Variants in CFAP299 observed in about 807,000 individuals in gnomAD.
CFAP299 encodes the protein cilia- and flagella-associated protein 299.
A neutral mutation model predicts 27.0 loss-of-function variants in CFAP299; 21 were observed. The ratio of observed to expected loss-of-function variants is 0.78; its 90% CI spans 0.55 to 1.12. CFAP299 has a LOEUF of 1.12. Among genes scored for constraint, CFAP299 ranks in the 50% most tolerant of loss-of-function variants. The pLI, the probability that CFAP299 is intolerant of heterozygous loss-of-function variation, is 0.00. For synonymous variants in CFAP299, 104 were observed against 98.1 expected (o/e 1.06, Z -0.36); for missense variants, 310 against 276.6 (o/e 1.12, Z -0.86).
Position 80,417,517 on chromosome 4 carries a change from G to A in CFAP299, c.242+54633G>A, listed in dbSNP as rs115011192. ...AAATAGGAGTCCTGAGCGTGGTATT[G>A]GTAGCTCTTTCCTTGAAATCGTTAC... On this transcript the variant is annotated intron_variant, in intron 2 of 5. Coordinates refer to ENST00000358105, the MANE Select transcript of CFAP299 (RefSeq NM_152770.3). Among the ~76,000 whole-genome samples the A allele has an allele frequency of 9.2e-3, 1,403 of 152,102 alleles. 26 individuals carry two copies. Among genetic ancestry groups the A allele is most frequent in the African/African-American group, 0.032 (1,327 of 41,468 alleles).
chr4:80,716,666 T>C (rs1216473541), intron 3 of CFAP299, among the ~76,000 whole-genome samples: 1 of 152,154 alleles, frequency 6.6e-6, no homozygotes, highest in Admixed American at 6.6e-5. Flanking sequence ...TCCTGCCCCA[T>C]TAAAGTTTGT....
At chr4:80,859,577 C>T (rs1732174689) in intron 3 of CFAP299, among the ~76,000 whole-genome samples, 1 of 151,930 alleles carries the variant, frequency 6.6e-6, no homozygotes, top group Admixed American at 6.6e-5. Flanking sequence ...TTTAGCACTT[C>T]CTTCAGGAAC....
intron 3 of CFAP299, among the ~76,000 whole-genome samples, chr4:80,807,123 G>T (rs1380240583): frequency 1.3e-5 from 2 of 151,850 alleles, no homozygotes; most frequent in African/African-American, 4.8e-5. Context: ...GAAATCTGCA[G>T]GTTAAAGAAA....
chr4:80,803,707 T>C (rs775501393), intron 3 of CFAP299, among the ~76,000 whole-genome samples: 1 of 149,440 alleles, frequency 6.7e-6, no homozygotes, highest in Admixed American at 6.7e-5. Context: ...CAGAATATAC[T>C]ACATTATATT....
chr4:80,325,474 A>G, the CFAP299 span, among the ~76,000 whole-genome samples: 1 of 152,256 alleles, frequency 6.6e-6, no homozygotes, highest in Non-Finnish European at 1.5e-5. Context: ...TCCTAAAAAT[A>G]ATACCCATCT....
intron 4 of CFAP299, among the ~76,000 whole-genome samples, chr4:80,900,379 G>T (rs922536099): frequency 2.6e-5 from 4 of 151,904 alleles, no homozygotes; most frequent in African/African-American, 9.7e-5. Flanking sequence ...TATTAACATA[G>T]CAATATTCTT....
intron 2 of CFAP299, among the ~76,000 whole-genome samples, chr4:80,380,096 A>G (rs1243937897): frequency 3.9e-5 from 6 of 152,158 alleles, no homozygotes; most frequent in African/African-American, 9.6e-5. Context: ...CTAGATACAT[A>G]TGCTTCATGA....
intron 3 of CFAP299, among the ~76,000 whole-genome samples, chr4:80,686,384 T>G (rs1212149214): frequency 1.3e-5 from 2 of 152,208 alleles, no homozygotes; most frequent in Non-Finnish European, 2.9e-5. Flanking sequence ...TGGATTATGC[T>G]TCTCTAGATT....
chr4:80,386,538 G>T, intron 2 of CFAP299: 2 of 1,591,094 alleles, frequency 1.3e-6, no homozygotes, highest in East Asian at 2.2e-5. Flanking sequence ...CGCCGGGTTT[G>T]CAGGTCCTTT....
intron 2 of CFAP299, among the ~76,000 whole-genome samples, chr4:80,480,710 C>G (rs1053932064): frequency 6.6e-6 from 1 of 151,730 alleles, no homozygotes; most frequent in African/African-American, 2.4e-5. Flanking sequence ...GATTATATAC[C>G]CAGGATACTA....
rs181252544 is a variant in CFAP299 at position 80,871,351 on chromosome 4, G to A, written c.476+1216G>A. On this transcript the variant is annotated intron_variant, in intron 4 of 5. Transcript: ENST00000358105. ...ACCTACTAACATTCCAAAGTCAATC[G>A]ATCCACACATTTTTTTCACTGCACT... 5.5e-3 allele frequency: 5,449 copies of A among 985,294 alleles called. 15 individuals are homozygous for A. The highest frequency in any genetic ancestry group is 0.016 in the Middle Eastern group (31 of 1,914). 61.0% of individuals were successfully genotyped at this position (985,294 alleles called of 1,614,324 possible).
intron 4 of CFAP299, among the ~76,000 whole-genome samples, chr4:80,928,774 G>A (rs918626039): frequency 6.6e-6 from 1 of 151,904 alleles, no homozygotes; most frequent in Non-Finnish European, 1.5e-5. Context: ...TCCCTAAAAG[G>A]ACAGTTACCA....
chr4:80,591,660 C>A (rs1225517833), intron 3 of CFAP299, among the ~76,000 whole-genome samples: 1 of 152,138 alleles, frequency 6.6e-6, no homozygotes, highest in African/African-American at 2.4e-5. Flanking sequence ...TGGAGGGGCA[C>A]AGAGCCAAGG....
intron 2 of CFAP299, among the ~76,000 whole-genome samples, chr4:80,550,413 A>G (rs1734441952): frequency 6.6e-6 from 1 of 152,058 alleles, no homozygotes; most frequent in Non-Finnish European, 1.5e-5. Flanking sequence ...TCTTCCCTAT[A>G]TTTAAATACA....
intron 2 of CFAP299, among the ~76,000 whole-genome samples, chr4:80,501,527 A>G (rs999609971): frequency 1.4e-5 from 2 of 147,828 alleles, no homozygotes; most frequent in Non-Finnish European, 3.0e-5. Flanking sequence ...TAAATATATA[A>G]ATTTTCATAT....
At chr4:80,526,095 T>C (rs1443469023) in intron 2 of CFAP299, among the ~76,000 whole-genome samples, 3 of 152,254 alleles carry the variant, frequency 2.0e-5, no homozygotes, top group Middle Eastern at 3.4e-3. Flanking sequence ...AGTACATACA[T>C]GCACTATTTA....
intron 1 of CFAP299, among the ~76,000 whole-genome samples, chr4:80,348,659 C>A (rs994754776): frequency 6.6e-6 from 1 of 152,064 alleles, no homozygotes; most frequent in African/African-American, 2.4e-5. Context: ...CAGAAAAAAC[C>A]CAACCTGCCA....
intron 3 of CFAP299, among the ~76,000 whole-genome samples, chr4:80,659,676 A>T (rs1421780896): frequency 6.6e-6 from 1 of 152,098 alleles, no homozygotes; most frequent in Non-Finnish European, 1.5e-5. Flanking sequence ...TCACTTATAC[A>T]AGACTTCTCA....
chr4:80,797,035 C>T (rs1460718225), intron 3 of CFAP299, among the ~76,000 whole-genome samples: 1 of 152,130 alleles, frequency 6.6e-6, no homozygotes, highest in East Asian at 1.9e-4. Context: ...ATTACCTGAC[C>T]TCCATAAGCC....
Sources: gnomAD v4.1 joint callset for allele counts (sites outside exome capture counted in the v4.1 genomes callset) on GRCh38, gnomAD v4.1.1 for gene constraint, MANE v1.5 for transcripts, NCBI Gene and HGNC (gene_info 2026-07-23, HGNC 2026-07-21) for gene names.